The following NLRP11 variants were observed in gnomAD, a reference collection of about 807,000 sequenced individuals.
NLRP11 encodes the protein NLR family pyrin domain containing 11, also known as NACHT, LRR and PYD domains-containing protein 11.
A neutral mutation model predicts 79.3 loss-of-function variants in NLRP11; 53 were observed. The observed-to-expected ratio is 0.67, with a 90% CI of 0.54 to 0.84. The LOEUF (loss-of-function observed/expected upper bound fraction) is 0.84. NLRP11 is among the 40% of genes least tolerant of loss of function. The pLI, the probability that NLRP11 is intolerant of heterozygous loss-of-function variation, is 0.00. For synonymous variants in NLRP11, 518 were observed against 462.6 expected (o/e 1.12, Z -1.54); for missense variants, 1,264 against 1,255.0 (o/e 1.01, Z -0.11).
chr19:55,805,886 G>A (rs571928353), intron 4 of NLRP11, among the ~76,000 whole-genome samples: 1 of 152,230 alleles, frequency 6.6e-6, no homozygotes, highest in South Asian at 2.1e-4. Flanking sequence ...AGGCTTTTCT[G>A]CTCTCACTAC....
chr19:55,804,101 T>C (rs1715148434), intron 4 of NLRP11, among the ~76,000 whole-genome samples: 1 of 147,858 alleles, frequency 6.8e-6, no homozygotes, highest in South Asian at 2.1e-4. Flanking sequence ...ATTATGTATA[T>C]ATATATATGT....
intron 7 of NLRP11, among the ~76,000 whole-genome samples, chr19:55,791,548 T>C (rs1402937819): frequency 6.6e-6 from 1 of 152,242 alleles, no homozygotes; most frequent in East Asian, 1.9e-4. Context: ...GTTGCTATTT[T>C]ATGAACAGGA....
intron 9 of NLRP11, among the ~76,000 whole-genome samples, chr19:55,786,853 G>A (rs1434825251): frequency 6.6e-6 from 1 of 152,158 alleles, no homozygotes; most frequent in Non-Finnish European, 1.5e-5. Flanking sequence ...GAAAAATAAA[G>A]AGAATAAGCA....
In NLRP11 at chr19:55,809,507, T is replaced by A. The variant is rs1429428830; in HGVS notation, c.1103A>T (p.Asp368Val). Residue 368 changes from aspartate to valine, a missense_variant, in exon 3 of 10, where the codon GAT becomes GTT. Coordinates refer to ENST00000589093, the Ensembl canonical transcript of NLRP11. The surrounding 1 kb of genome is among the most constrained non-coding windows in gnomAD (Gnocchi z 4.5). ...ATCAGCAAGAAAGTGGGCATGTAGA[T>A]CAGTGGGTGTTTGGCAGCAGAGCTG... 1 of 1,614,092 alleles carries A rather than the reference T, an allele frequency of 6.2e-7. No individual in the cohort carries two copies.
rs376926915 is a variant in NLRP11, at chr19:55,797,999, A to ATT, written c.2172-1751_2172-1750dup. ...AAATGGTGTATTCTATATTATTATT[A>ATT]TTTTTTTTTTTTTTGAGATGGAGTT... On this transcript the variant is annotated intron_variant, in intron 5 of 9. Transcript: ENST00000589093. 6.0e-3 allele frequency among the ~76,000 whole-genome samples: 846 copies of ATT among 139,940 alleles called. 10 individuals carry two copies. The highest frequency in any genetic ancestry group is 0.019 in the Middle Eastern group (5 of 266). 91.8% of individuals were successfully genotyped at this position (139,940 alleles called of 152,430 possible).
chr19:55,795,381 C>T (rs987221663), intron 6 of NLRP11, among the ~76,000 whole-genome samples: 34 of 152,224 alleles, frequency 2.2e-4, no homozygotes, highest in Non-Finnish European at 3.4e-4. Context: ...TCATCCTACA[C>T]GACACCCAGT....
At chr19:55,823,929 C>T (rs1392456772) in intron 1 of NLRP11, among the ~76,000 whole-genome samples, 1 of 139,496 alleles carries the variant, frequency 7.2e-6, no homozygotes, top group Non-Finnish European at 1.5e-5. Context: ...AAAGATACTC[C>T]TCGAGAAGAG....
chr19:55,835,931 C>A (rs1983222613), upstream of NLRP11, among the ~76,000 whole-genome samples: 1 of 152,248 alleles, frequency 6.6e-6, no homozygotes, highest in African/African-American at 2.4e-5. Context: ...CGAGACCAGC[C>A]TGGCCAACAT....
intron 1 of NLRP11, among the ~76,000 whole-genome samples, chr19:55,823,120 G>C (rs202098207): frequency 7.2e-6 from 1 of 138,126 alleles, no homozygotes; most frequent in African/African-American, 2.9e-5. Context: ...CCCCCAAGCA[G>C]CCTAACTGGG....
chr19:55,809,900 T>C lies in NLRP11; in HGVS notation c.710A>G (p.Glu237Gly), dbSNP rs759068828. ...CAAAGCACTTTCATTGACATTTAAC[T>C]CGAATCTTATGTTGTCCAAGTCCTC... Residue 237 changes from glutamate to glycine, a missense_variant, in exon 3 of 10, where the codon GAG becomes GGG. Transcript: ENST00000589093. This position sits in a 1 kb window ranked among gnomAD's most constrained non-coding sequence, Gnocchi z 4.5. The C allele has an allele frequency of 2.5e-6, 4 of 1,614,132 alleles. No individual in the cohort carries two copies. In the South Asian group the frequency reaches 4.4e-5, roughly 18 times the overall value.
At chr19:55,797,080 G>A (rs531612192) in intron 5 of NLRP11, among the ~76,000 whole-genome samples, 1 of 152,212 alleles carries the variant, frequency 6.6e-6, no homozygotes, top group South Asian at 2.1e-4. Flanking sequence ...TTAGTGTCTA[G>A]TACCCTTATC....
intron 1 of NLRP11, among the ~76,000 whole-genome samples, chr19:55,827,768 AG>A (rs1416891939): frequency 6.6e-6 from 1 of 151,550 alleles, no homozygotes; most frequent in African/African-American, 2.4e-5. Flanking sequence ...AGGAAACAAC[AG>A]GTGCTGGAGA....
chr19:55,792,229 G>T, intron 7 of NLRP11, 72 bp downstream of exon 7: 1 of 1,358,992 alleles, frequency 7.4e-7, no homozygotes, highest in Non-Finnish European at 1.0e-6. Context: ...TCTTATCCCT[G>T]CCACCAACCC....
At chr19:55,814,950 C>A (rs1980948695) in intron 2 of NLRP11, among the ~76,000 whole-genome samples, 2 of 152,152 alleles carry the variant, frequency 1.3e-5, no homozygotes, top group Non-Finnish European at 2.9e-5. Flanking sequence ...TGTTATTTTA[C>A]AGTGTATATC....
intron 9 of NLRP11, among the ~76,000 whole-genome samples, chr19:55,787,874 A>G (rs1989980642): frequency 6.6e-6 from 1 of 152,218 alleles, no homozygotes; most frequent in Admixed American, 6.5e-5. Context: ...CACTACAGGA[A>G]CTGAATTCTG....
At chr19:55,791,050 C>T (rs1381412097) in intron 7 of NLRP11, among the ~76,000 whole-genome samples, 1 of 152,122 alleles carries the variant, frequency 6.6e-6, no homozygotes, top group Non-Finnish European at 1.5e-5. Flanking sequence ...ATCTAGACAA[C>T]TTTGTTTTTT....
chr19:55,816,470 A>G (rs1291847433), intron 2 of NLRP11, among the ~76,000 whole-genome samples: 1 of 152,152 alleles, frequency 6.6e-6, no homozygotes, highest in Non-Finnish European at 1.5e-5. Flanking sequence ...TGATCTTGGT[A>G]AGTTCTCTTA....
chr19:55,812,935 C>T (rs1339606558), intron 2 of NLRP11, among the ~76,000 whole-genome samples: 1 of 152,170 alleles, frequency 6.6e-6, no homozygotes, highest in African/African-American at 2.4e-5. Context: ...GCATTTTCCA[C>T]TGTTATTTCA....
intron 7 of NLRP11, among the ~76,000 whole-genome samples, chr19:55,790,963 T>C (rs1386201629): frequency 6.6e-6 from 1 of 151,156 alleles, no homozygotes; most frequent in Non-Finnish European, 1.5e-5. Context: ...CAGTTATACT[T>C]AAGACAATTC....
Sources: allele counts gnomAD v4.1 joint callset (sites outside exome capture counted in the v4.1 genomes callset), GRCh38; gene constraint gnomAD v4.1.1; non-coding constraint Gnocchi (gnomAD v3.1); transcripts MANE v1.5; gene names NCBI Gene and HGNC (gene_info 2026-07-23, HGNC 2026-07-21).